Variants in IL1RL1 observed in about 807,000 individuals in gnomAD.
The protein encoded by IL1RL1 is interleukin-1 receptor-like 1.
Under a neutral mutation model 50.9 loss-of-function variants are expected in IL1RL1, and 32 were observed. The observed-to-expected ratio is 0.63, with a 90% confidence interval of 0.47 to 0.84. The LOEUF is 0.84. Ranked by LOEUF, IL1RL1 falls within the 40% of genes least tolerant of loss-of-function variation. The pLI, the probability that IL1RL1 is intolerant of heterozygous loss-of-function variation, is 0.00. For synonymous variants in IL1RL1, 275 were observed against 236.0 expected (o/e 1.17, Z -1.51); for missense variants, 773 against 662.9 (o/e 1.17, Z -1.82).
At chr2:102,311,952 AATAT>A (rs1433715644) in intron 1 of IL1RL1, among the ~76,000 whole-genome samples, 1 of 41,334 alleles carries the variant, frequency 2.4e-5, no homozygotes, top group Admixed American at 3.8e-4. Flanking sequence ...TATTATATAT[AATAT>A]ATATTATATA....
Position 102,339,032 on chromosome 2 carries a change from C to A in IL1RL1, c.257C>A (p.Thr86Asn), listed in dbSNP as rs145568700. 3 of 1,612,024 alleles carry A rather than the reference C, an allele frequency of 1.9e-6. No homozygotes were observed. The highest frequency in any genetic ancestry group is 2.5e-6 in the Non-Finnish European group (3 of 1,178,394). ...PAAVADSGIY[T>N]CIVRSPTFNR... Reference sequence around the variant, plus strand: ...GCAGTTGCTGATTCTGGTATTTATACCTGTATTGTCAGAAGGTATTATGCA... The same window carrying A: ...GCAGTTGCTGATTCTGGTATTTATAACTGTATTGTCAGAAGGTATTATGCA... The change falls in exon 3 of 11, where the codon ACC becomes AAC. Residue 86 changes from threonine (T) to asparagine (N), a missense_variant. Coordinates refer to ENST00000233954, the MANE Select transcript of IL1RL1 (RefSeq NM_016232.5).
chr2:102,322,577 G>A (rs1380446676), intron 1 of IL1RL1, among the ~76,000 whole-genome samples: 7 of 152,102 alleles, frequency 4.6e-5, no homozygotes, highest in South Asian at 2.1e-4. Flanking sequence ...TGGGTCTCCC[G>A]ACTTCAATAC....
intron 1 of IL1RL1, among the ~76,000 whole-genome samples, chr2:102,318,929 TAATGC>T (rs1337466629): frequency 6.6e-6 from 1 of 152,162 alleles, no homozygotes; most frequent in Non-Finnish European, 1.5e-5. Flanking sequence ...AAGAAACAAG[TAATGC>T]AATGTTTCCA....
chr2:102,321,792 C>G (rs1024976714), intron 1 of IL1RL1, among the ~76,000 whole-genome samples: 5 of 152,128 alleles, frequency 3.3e-5, no homozygotes, highest in Non-Finnish European at 7.3e-5. Flanking sequence ...GAGATATCAG[C>G]AATACATAGC....
In IL1RL1 at chr2:102,348,020, T is replaced by TCCTAAAAA. The variant is rs1183678589; in HGVS notation, c.1047_1054dup (p.Met352ThrfsTer2). The stretch of plus-strand genomic sequence containing the variant: ...ATGCTAATCAATGTCCTGGTTATCA[T>TCCTAAAAA]CCTAAAAATGTTCTGGATTGAGGCC... On this transcript the variant is annotated frameshift_variant, in exon 9 of 11. Coordinates refer to ENST00000233954, the MANE Select transcript of IL1RL1 (RefSeq NM_016232.5). LOFTEE classifies it high-confidence loss of function. 2 of 1,600,248 alleles carry TCCTAAAAA rather than the reference T, an allele frequency of 1.2e-6. No individual in the cohort carries two copies. Among genetic ancestry groups the TCCTAAAAA allele is most frequent in the Non-Finnish European group, 1.7e-6 (2 of 1,167,422 alleles).
chr2:102,343,691 T>C (rs1027131706), intron 8 of IL1RL1: 4 of 1,356,316 alleles, frequency 2.9e-6, no homozygotes, highest in Non-Finnish European at 3.8e-6. Flanking sequence ...ATCCTTGTTT[T>C]CTAACTTTAT....
chr2:102,349,001 G>A (rs1273503362), intron 9 of IL1RL1, 78 bp from the exon 10 acceptor site: 5 of 1,089,748 alleles, frequency 4.6e-6, no homozygotes, highest in Non-Finnish European at 7.0e-6. Context: ...ATAAAACTTG[G>A]AGAGGAATGT....
At chr2:102,348,124 G>T (rs181553169) in intron 9 of IL1RL1, 33 bp downstream of exon 9, 175 of 1,571,894 alleles carry the variant, frequency 1.1e-4, no homozygotes, top group Admixed American at 1.1e-3. Context: ...TTCTCCCAAA[G>T]AAAAAGTCCC....
At chr2:102,314,916 T>G (rs2104957952) in intron 1 of IL1RL1, among the ~76,000 whole-genome samples, 1 of 152,242 alleles carries the variant, frequency 6.6e-6, no homozygotes, top group African/African-American at 2.4e-5. Context: ...CTTGCAGGTG[T>G]CTGGTGATAG....
At chr2:102,335,124 A>G (rs1249599776) in intron 1 of IL1RL1, among the ~76,000 whole-genome samples, 3 of 152,188 alleles carry the variant, frequency 2.0e-5, no homozygotes, top group African/African-American at 7.2e-5. Context: ...GTTGGCAGAA[A>G]TTTATGGGTG....
At chr2:102,312,270 ATAATATATAATG>A (rs1170509001) in intron 1 of IL1RL1, among the ~76,000 whole-genome samples, 2 of 147,676 alleles carry the variant, frequency 1.4e-5, no homozygotes, top group East Asian at 2.0e-4. Flanking sequence ...GGCCTATAAT[ATAATATATAATG>A]TAATATATAT....
At chr2:102,327,384 A>T (rs4455171) in intron 1 of IL1RL1, among the ~76,000 whole-genome samples, 70,221 of 148,594 alleles carry the variant, frequency 0.47, 16,928 homozygotes, top group Middle Eastern at 0.63. Flanking sequence ...TAGCACTAAA[A>T]GCCCACAAGA....
intron 8 of IL1RL1, 59 bp downstream of exon 8, chr2:102,343,474 A>G (rs1433814176): frequency 6.2e-7 from 1 of 1,613,752 alleles, no homozygotes; most frequent in Non-Finnish European, 8.5e-7. Context: ...TGTAAGCAGA[A>G]TGGAGTGTGG....
At position 102,351,648 on chromosome 2, in the gene IL1RL1, G is replaced by A. The variant is rs371424721; in HGVS notation, c.1398G>A (p.Leu466=). The change falls in exon 11 of 11, where the codon CTG becomes CTA. Residue 466 remains leucine, a synonymous_variant. Coordinates refer to ENST00000233954, the MANE Select transcript of IL1RL1 (RefSeq NM_016232.5). ...TTGCCTACGAGCAGGAGGTTGCCCT[G>A]CACTGTGCCCTCATCCAGAACGACG... is the stretch of plus-strand genomic sequence containing the variant. ...KEFAYEQEVA[L]HCALIQNDAK... is the part of the protein sequence containing the mutation. 2.5e-6 allele frequency: 4 copies of A among 1,614,130 alleles called. No individual in the cohort carries two copies. Among genetic ancestry groups the A allele is most frequent in the Non-Finnish European group, 3.4e-6 (4 of 1,180,028 alleles).
At chr2:102,316,030 G>T (rs557527872) in intron 1 of IL1RL1, among the ~76,000 whole-genome samples, 2 of 152,296 alleles carry the variant, frequency 1.3e-5, no homozygotes, top group East Asian at 3.9e-4. Flanking sequence ...CAGTCTGCCA[G>T]TGATGGTTTG....
At chr2:102,318,432 A>G (rs1328289283) in intron 1 of IL1RL1, among the ~76,000 whole-genome samples, 5 of 148,302 alleles carry the variant, frequency 3.4e-5, no homozygotes, top group Non-Finnish European at 7.4e-5. Flanking sequence ...CAAGATGAGA[A>G]TGATGGTTGG....
At position 102,340,716 on chromosome 2, in the gene IL1RL1, G is replaced by C. The variant is rs900441202; in HGVS notation, c.498G>C (p.Leu166Phe). Residue 166 changes from leucine (L) to phenylalanine (F), a missense_variant, in exon 5 of 11, where the codon TTG becomes TTC. Coordinates refer to ENST00000233954, the MANE Select transcript of IL1RL1 (RefSeq NM_016232.5). ...GSRYRAHKSFLVIDNVMTEDA... is the reference protein window; with the variant it reads ...GSRYRAHKSFFVIDNVMTEDA... Reference sequence around the variant, plus strand: ...GGTACAGGGCGCACAAGTCATTTTTGGTCATTGATAATGTGATGACTGAGG... The same window carrying C: ...GGTACAGGGCGCACAAGTCATTTTTCGTCATTGATAATGTGATGACTGAGG... 6.3e-7 allele frequency: 1 copy of C among 1,599,474 alleles called. No individual in the cohort carries two copies.
chr2:102,323,263 ATATATATATAGTGTGT>A (rs761820493), intron 1 of IL1RL1, among the ~76,000 whole-genome samples: 8 of 89,360 alleles, frequency 9.0e-5, no homozygotes, highest in African/African-American at 2.9e-4. Flanking sequence ...ATATATATAT[ATATATATATAGTGTGT>A]GTGTGTGTGT....
chr2:102,325,011 C>G (rs1360534294), intron 1 of IL1RL1, among the ~76,000 whole-genome samples: 2 of 152,170 alleles, frequency 1.3e-5, no homozygotes, highest in Non-Finnish European at 2.9e-5. Flanking sequence ...TAGTGGTTCT[C>G]CCAGCACGCA....
Sources: gnomAD v4.1 joint callset for allele counts (sites outside exome capture counted in the v4.1 genomes callset) on GRCh38, gnomAD v4.1.1 for gene constraint, MANE v1.5 for transcripts, NCBI Gene and HGNC (gene_info 2026-07-23, HGNC 2026-07-21) for gene names.